Variants in LYPLAL1 observed in about 807,000 individuals in gnomAD.
LYPLAL1 encodes lysophospholipase-like protein 1.
A neutral mutation model predicts 19.7 loss-of-function variants in LYPLAL1; 23 were observed. The ratio of observed to expected loss-of-function variants is 1.17; its 90% CI spans 0.84 to 1.65. The LOEUF (loss-of-function observed/expected upper bound fraction) is 1.65, where lower values mean the gene tolerates loss of function less well. LYPLAL1 is among the 40% of genes most tolerant of loss of function. LYPLAL1 has a pLI of 0.00. For synonymous variants in LYPLAL1, 119 were observed against 96.3 expected (o/e 1.24, Z -1.38); for missense variants, 355 against 279.4 (o/e 1.27, Z -1.93).
At chr1:219,358,307 GA>G in the LYPLAL1 span, among the ~76,000 whole-genome samples, 11 of 152,310 alleles carry the variant, frequency 7.2e-5, no homozygotes, top group Non-Finnish European at 7.4e-5. Flanking sequence ...TGAACTCTGT[GA>G]AACTAAAGTC....
At chr1:219,375,058 T>TAC in the LYPLAL1 span, among the ~76,000 whole-genome samples, 2 of 152,180 alleles carry the variant, frequency 1.3e-5, no homozygotes, top group African/African-American at 4.8e-5. Flanking sequence ...CTACTACCAT[T>TAC]ACATAGCTGT....
chr1:219,352,782 G>A, the LYPLAL1 span, among the ~76,000 whole-genome samples: 1 of 152,086 alleles, frequency 6.6e-6, no homozygotes, highest in Non-Finnish European at 1.5e-5. Context: ...GCCCAGCTTA[G>A]GCTCTGTTCA....
the LYPLAL1 span, among the ~76,000 whole-genome samples, chr1:219,380,949 C>T: frequency 2.6e-5 from 4 of 152,054 alleles, no homozygotes; most frequent in African/African-American, 7.2e-5. Context: ...TTTGCCAACC[C>T]TTGCTCTGTA....
the LYPLAL1 span, among the ~76,000 whole-genome samples, chr1:219,441,122 G>T: frequency 6.6e-6 from 1 of 152,176 alleles, no homozygotes; most frequent in Admixed American, 6.5e-5. Context: ...AAAAACAAAA[G>T]AGTAAGAGGA....
intron 2 of LYPLAL1, among the ~76,000 whole-genome samples, chr1:219,190,583 T>A (rs12122779): frequency 0.014 from 1,316 of 97,354 alleles, 15 homozygotes; most frequent in Middle Eastern, 0.027. Context: ...AATTTTTTTT[T>A]AAAAAGACAT....
intron 3 of LYPLAL1, among the ~76,000 whole-genome samples, chr1:219,207,579 A>G (rs1428390736): frequency 6.6e-6 from 1 of 151,992 alleles, no homozygotes; most frequent in African/African-American, 2.4e-5. Flanking sequence ...CATTTGTTTA[A>G]TAAGTATAAG....
chr1:219,322,560 C>CT, the LYPLAL1 span, among the ~76,000 whole-genome samples: 1 of 151,882 alleles, frequency 6.6e-6, no homozygotes, highest in African/African-American at 2.4e-5. Flanking sequence ...ATCTTGAATG[C>CT]TTTTAGGCAT....
the LYPLAL1 span, among the ~76,000 whole-genome samples, chr1:219,245,160 C>A: frequency 6.7e-6 from 1 of 150,046 alleles, no homozygotes; most frequent in Admixed American, 6.7e-5. Flanking sequence ...CTCCTTCCCT[C>A]CCTCCCTCTT....
chr1:219,382,985 T>C, the LYPLAL1 span, among the ~76,000 whole-genome samples: 3 of 152,188 alleles, frequency 2.0e-5, no homozygotes, highest in African/African-American at 7.2e-5. Context: ...CTGATAGTAT[T>C]ATAAAAACAT....
intron 1 of LYPLAL1, among the ~76,000 whole-genome samples, chr1:219,177,650 G>A (rs565686141): frequency 6.6e-5 from 10 of 152,218 alleles, no homozygotes; most frequent in South Asian, 4.1e-4. Flanking sequence ...TAACAAATCC[G>A]TTGCCAATCT....
At chr1:219,252,494 G>T in the LYPLAL1 span, among the ~76,000 whole-genome samples, 1 of 151,952 alleles carries the variant, frequency 6.6e-6, no homozygotes, top group Non-Finnish European at 1.5e-5. Context: ...ACATGAAAGG[G>T]TGTGTTATAT....
In LYPLAL1 at chr1:219,174,154, C is replaced by T. The variant is rs1357363736; in HGVS notation, c.91+173C>T. On this transcript the variant is annotated intron_variant, in intron 1 of 4. Transcript: ENST00000366928. The stretch of plus-strand genomic sequence containing the variant: ...ACGGGCAGCGCCACCTGCCCCCAGC[C>T]TCCCCCGTTAGTCTTCCTCTTTCTA... The T allele has an allele frequency of 5.6e-6, 8 of 1,440,348 alleles. No individual in the cohort carries two copies. In the African/African-American group the frequency reaches 1.1e-4, roughly 21 times the overall value. 89.2% of individuals were successfully genotyped at this position (1,440,348 alleles called of 1,614,324 possible).
the LYPLAL1 span, among the ~76,000 whole-genome samples, chr1:219,267,452 C>T: frequency 2.0e-5 from 3 of 152,148 alleles, no homozygotes; most frequent in African/African-American, 7.2e-5. Context: ...CCCCAGTAAA[C>T]TCACCCTCTG....
At chr1:219,430,287 CAAA>C in the LYPLAL1 span, among the ~76,000 whole-genome samples, 9 of 69,776 alleles carry the variant, frequency 1.3e-4, no homozygotes, top group Admixed American at 1.0e-3. Flanking sequence ...GATCCTAGCT[CAAA>C]AAAAAAAAAA....
chr1:219,264,830 A>G, the LYPLAL1 span, among the ~76,000 whole-genome samples: 1 of 152,220 alleles, frequency 6.6e-6, no homozygotes, highest in African/African-American at 2.4e-5. Flanking sequence ...GATTACAACA[A>G]CTCAGAGGAA....
chr1:219,292,408 A>G, the LYPLAL1 span, among the ~76,000 whole-genome samples: 3 of 152,182 alleles, frequency 2.0e-5, no homozygotes, highest in Non-Finnish European at 4.4e-5. Flanking sequence ...AGTCCTGCCC[A>G]TGCTACCTGG....
the LYPLAL1 span, among the ~76,000 whole-genome samples, chr1:219,266,256 T>C: frequency 6.6e-6 from 1 of 152,156 alleles, no homozygotes; most frequent in South Asian, 2.1e-4. Context: ...TAAGCTTTTT[T>C]CTATTTTTAA....
chr1:219,210,417 T>C (rs1658919073), intron 3 of LYPLAL1, 115 bp from the exon 4 acceptor site: 3 of 697,042 alleles, frequency 4.3e-6, no homozygotes, highest in Non-Finnish European at 4.4e-6. Context: ...GAAATTTCTT[T>C]TTAGCATTCT....
chr1:219,351,633 A>G, the LYPLAL1 span, among the ~76,000 whole-genome samples: 2 of 152,122 alleles, frequency 1.3e-5, no homozygotes, highest in Non-Finnish European at 2.9e-5. Context: ...AAAACACATC[A>G]AGAAGTTGTT....
Sources: allele counts gnomAD v4.1 joint callset (sites outside exome capture counted in the v4.1 genomes callset), GRCh38; gene constraint gnomAD v4.1.1; transcripts MANE v1.5; gene names NCBI Gene and HGNC (gene_info 2026-07-23, HGNC 2026-07-21).